Variants in KIAA0825 observed in about 807,000 individuals in gnomAD.
KIAA0825 encodes the protein uncharacterized protein KIAA0825.
Under a neutral mutation model 147.6 loss-of-function variants are expected in KIAA0825, and 119 were observed. The observed-to-expected ratio is 0.81, with a 90% CI of 0.69 to 0.94. The LOEUF is 0.94. Among genes scored for constraint, KIAA0825 ranks in the 40% least tolerant of loss-of-function variants. The pLI is 0.00. For missense variants in KIAA0825, 1,381 were observed against 1,472.7 expected, an observed-to-expected ratio of 0.94 and a Z score of 1.02; for synonymous variants, 470 against 518.1, an observed-to-expected ratio of 0.91 and a Z score of 1.26.
chr5:94,401,914 T>C (rs1288028755), intron 16 of KIAA0825, among the ~76,000 whole-genome samples: 1 of 152,186 alleles, frequency 6.6e-6, no homozygotes, highest in Non-Finnish European at 1.5e-5. Flanking sequence ...CTCTATCTTA[T>C]ATTCTGTAGT....
chr5:94,513,916 G>A (rs1469717163), intron 5 of KIAA0825, among the ~76,000 whole-genome samples: 2 of 151,742 alleles, frequency 1.3e-5, no homozygotes, highest in African/African-American at 4.8e-5. Context: ...TGGAATGGAG[G>A]TATAGTGGGA....
intron 20 of KIAA0825, among the ~76,000 whole-genome samples, chr5:94,183,228 C>T (rs1769825920): frequency 6.6e-6 from 1 of 152,048 alleles, no homozygotes; most frequent in African/African-American, 2.4e-5. Flanking sequence ...TATACAAAAC[C>T]ATGACAACTC....
chr5:94,478,451 T>TCTCACA (rs1554289711), intron 6 of KIAA0825, among the ~76,000 whole-genome samples: 7 of 146,146 alleles, frequency 4.8e-5, no homozygotes, highest in African/African-American at 1.8e-4. Context: ...CACATGTGCA[T>TCTCACA]CACACACACA....
At chr5:94,493,635 T>C (rs1425752005) in intron 5 of KIAA0825, among the ~76,000 whole-genome samples, 5 of 152,098 alleles carry the variant, frequency 3.3e-5, no homozygotes, top group African/African-American at 7.2e-5. Flanking sequence ...ACTACAGGCA[T>C]CTGCCACCAC....
intron 20 of KIAA0825, among the ~76,000 whole-genome samples, chr5:94,234,104 C>T (rs1043206017): frequency 3.9e-5 from 6 of 152,194 alleles, no homozygotes; most frequent in South Asian, 2.1e-4. Flanking sequence ...CGGTGGCTCA[C>T]GCCTGTAATC....
At chr5:94,617,077 TTTC>T (rs1382880346) in intron 1 of KIAA0825, among the ~76,000 whole-genome samples, 6 of 152,210 alleles carry the variant, frequency 3.9e-5, no homozygotes, top group Non-Finnish European at 8.8e-5. Flanking sequence ...TTTTTGTGAT[TTTC>T]TTTTTTTATT....
chr5:94,348,483 C>T lies in KIAA0825; in HGVS notation c.3710+35885G>A, dbSNP rs184764903. On this transcript the variant is annotated intron_variant, in intron 20 of 20. Coordinates refer to ENST00000682413, the MANE Select transcript of KIAA0825 (RefSeq NM_001145678.3). ...CCCTGCAAGCTAGAAGGGACTGGGG[C>T]CCTATCTTCAGCCTCCTCAAACAAA... 1.4e-3 allele frequency among the ~76,000 whole-genome samples: 220 copies of T among 152,298 alleles called. 1 individual carries two copies. The highest frequency in any genetic ancestry group is 5.0e-3 in the African/African-American group (206 of 41,558).
At chr5:94,332,910 C>T (rs160274) in intron 20 of KIAA0825, among the ~76,000 whole-genome samples, 59,026 of 151,826 alleles carry the variant, frequency 0.39, 11,852 homozygotes, top group African/African-American at 0.47. Flanking sequence ...TTTTTGAAAA[C>T]TGCCATTCTA....
intron 2 of KIAA0825, among the ~76,000 whole-genome samples, chr5:94,574,358 C>T (rs1434880200): frequency 6.6e-6 from 1 of 151,918 alleles, no homozygotes; most frequent in Non-Finnish European, 1.5e-5. Context: ...GTCTGGCCAA[C>T]ATAGTGAAAC....
intron 2 of KIAA0825, among the ~76,000 whole-genome samples, chr5:94,541,665 TA>T (rs1773339487): frequency 1.3e-5 from 2 of 152,244 alleles, no homozygotes; most frequent in African/African-American, 4.8e-5. Context: ...ATCTGCTCTT[TA>T]ACAAAACTTG....
chr5:94,539,551 C>CA (rs1772845888), intron 2 of KIAA0825, among the ~76,000 whole-genome samples: 1 of 152,020 alleles, frequency 6.6e-6, no homozygotes, highest in Non-Finnish European at 1.5e-5. Flanking sequence ...TGGCAAACCC[C>CA]AAAGGGATGA....
intron 3 of KIAA0825, among the ~76,000 whole-genome samples, chr5:94,524,864 A>G (rs1768965790): frequency 6.6e-6 from 1 of 151,876 alleles, no homozygotes; most frequent in African/African-American, 2.4e-5. Flanking sequence ...TGCCATATGT[A>G]TCTGTTTTAA....
intron 1 of KIAA0825, among the ~76,000 whole-genome samples, chr5:94,613,106 A>G (rs527887903): frequency 9.8e-5 from 15 of 152,320 alleles, no homozygotes; most frequent in South Asian, 8.3e-4. Flanking sequence ...AGTCAAAATG[A>G]CATTGTCTCG....
intron 13 of KIAA0825, among the ~76,000 whole-genome samples, chr5:94,441,697 T>C (rs2150848628): frequency 6.6e-6 from 1 of 152,310 alleles, no homozygotes; most frequent in South Asian, 2.1e-4. Context: ...CATGCAACTG[T>C]GCTGTATCTC....
chr5:94,396,014 C>A, intron 17 of KIAA0825, 87 bp downstream of exon 17: 1 of 1,200,856 alleles, frequency 8.3e-7, no homozygotes, highest in Non-Finnish European at 1.1e-6. Context: ...TACTGCTGCC[C>A]ATCTGACAAT....
intron 15 of KIAA0825, 83 bp downstream of exon 15, chr5:94,417,118 A>G (rs1420171556): frequency 2.3e-6 from 3 of 1,291,318 alleles, no homozygotes; most frequent in Non-Finnish European, 3.2e-6. Context: ...CAAAACCAGT[A>G]TCAATACAAC....
intron 20 of KIAA0825, among the ~76,000 whole-genome samples, chr5:94,247,345 A>G (rs185384420): frequency 9.2e-5 from 14 of 152,332 alleles, no homozygotes; most frequent in Non-Finnish European, 1.3e-4. Context: ...CATTGTAGAC[A>G]AAGAACAGAG....
chr5:94,252,254 G>C (rs1239489004), intron 20 of KIAA0825, among the ~76,000 whole-genome samples: 1 of 151,932 alleles, frequency 6.6e-6, no homozygotes, highest in Non-Finnish European at 1.5e-5. Context: ...ACAAATCAGA[G>C]GCTGAGTGTA....
At chr5:94,541,142 C>T (rs1773218406) in intron 2 of KIAA0825, among the ~76,000 whole-genome samples, 1 of 152,144 alleles carries the variant, frequency 6.6e-6, no homozygotes, top group Non-Finnish European at 1.5e-5. Flanking sequence ...CATAAAATGT[C>T]ACTATGACTC....
Sources: gnomAD v4.1 joint callset for allele counts (sites outside exome capture counted in the v4.1 genomes callset) on GRCh38, gnomAD v4.1.1 for gene constraint, MANE v1.5 for transcripts, NCBI Gene and HGNC (gene_info 2026-07-23, HGNC 2026-07-21) for gene names.